The following PIK3C2G variants were observed in gnomAD, a reference collection of about 807,000 sequenced individuals.
PIK3C2G encodes phosphatidylinositol-4-phosphate 3-kinase catalytic subunit type 2 gamma.
Under a neutral mutation model 181.1 loss-of-function variants are expected in PIK3C2G, and 168 were observed. The observed-to-expected ratio is 0.93, with a 90% CI of 0.82 to 1.05. The LOEUF is 1.05. Among genes scored for constraint, PIK3C2G ranks in the 50% least tolerant of loss-of-function variants. The pLI is 0.00. For synonymous variants in PIK3C2G, 573 were observed against 592.2 expected, an observed-to-expected ratio of 0.97 and a Z score of 0.47; for missense variants, 1,869 against 1,732.8, an observed-to-expected ratio of 1.08 and a Z score of -1.40.
At chr12:18,641,549 C>G (rs1306676172) in intron 32 of PIK3C2G, among the ~76,000 whole-genome samples, 1 of 152,034 alleles carries the variant, frequency 6.6e-6, no homozygotes, top group Non-Finnish European at 1.5e-5. Context: ...TTCTCTACCA[C>G]CTCTCTCATT....
intron 14 of PIK3C2G, 65 bp downstream of exon 14, chr12:18,381,945 C>A: frequency 1.1e-6 from 1 of 948,508 alleles, no homozygotes. Flanking sequence ...AGTTTGTTGT[C>A]AATTATAGAA....
chr12:18,584,276 C>CT (rs1283246245), intron 29 of PIK3C2G, among the ~76,000 whole-genome samples: 1 of 152,030 alleles, frequency 6.6e-6, no homozygotes, highest in Non-Finnish European at 1.5e-5. Flanking sequence ...CTGCCTTGGC[C>CT]TTCCAAAGTG....
At chr12:18,670,802 T>C in the PIK3C2G span, among the ~76,000 whole-genome samples, 16 of 152,180 alleles carry the variant, frequency 1.1e-4, no homozygotes, top group Non-Finnish European at 1.8e-4. Flanking sequence ...AATGTTTACA[T>C]TGTCATGAAA....
At chr12:18,583,454 G>A (rs532205342) in intron 29 of PIK3C2G, among the ~76,000 whole-genome samples, 1 of 152,034 alleles carries the variant, frequency 6.6e-6, no homozygotes, top group Non-Finnish European at 1.5e-5. Context: ...TATCGAGACA[G>A]TAACAGCTCT....
chr12:18,422,646 G>C (rs933883410), intron 17 of PIK3C2G, among the ~76,000 whole-genome samples: 1 of 152,026 alleles, frequency 6.6e-6, no homozygotes, highest in Admixed American at 6.6e-5. Flanking sequence ...TGGTCAGGCG[G>C]GATTTAGGGG....
intron 3 of PIK3C2G, among the ~76,000 whole-genome samples, chr12:18,288,416 G>T (rs1565558297): frequency 6.6e-6 from 1 of 151,998 alleles, no homozygotes. Flanking sequence ...AAAAAGCAAG[G>T]TCCCTGCCTC....
intron 16 of PIK3C2G, among the ~76,000 whole-genome samples, chr12:18,407,507 T>G (rs905749606): frequency 1.2e-4 from 18 of 152,132 alleles, no homozygotes; most frequent in African/African-American, 4.3e-4. Context: ...CTACTCACCT[T>G]AGACACTTTG....
the PIK3C2G span, among the ~76,000 whole-genome samples, chr12:18,670,236 G>C: frequency 6.6e-6 from 1 of 151,960 alleles, no homozygotes; most frequent in Non-Finnish European, 1.5e-5. Context: ...TTTTTCAGAA[G>C]AGTTGTTTTA....
chr12:18,388,109 C>T lies in PIK3C2G; in HGVS notation c.1996-3013C>T, dbSNP rs577897191. Among the ~76,000 whole-genome samples the T allele has an allele frequency of 5.3e-5, 8 of 151,944 alleles. No homozygotes were observed. In the South Asian group the frequency reaches 1.0e-3, roughly 20 times the overall value. On this transcript the variant is annotated intron_variant, in intron 14 of 32. Coordinates refer to ENST00000538779, the MANE Select transcript of PIK3C2G (RefSeq NM_001288772.2). Reference sequence around the variant, plus strand: ...CATTGTATTTTTATTTCTAATGTAACGGAGATCCTTTTTTTTTTCTCACTC... The same window carrying T: ...CATTGTATTTTTATTTCTAATGTAATGGAGATCCTTTTTTTTTTCTCACTC...
intron 31 of PIK3C2G, among the ~76,000 whole-genome samples, chr12:18,627,334 G>C (rs1382571216): frequency 6.6e-6 from 1 of 151,868 alleles, no homozygotes; most frequent in Non-Finnish European, 1.5e-5. Flanking sequence ...TTATTTTACG[G>C]AGTTATTCTG....
intron 8 of PIK3C2G, among the ~76,000 whole-genome samples, chr12:18,333,108 A>G (rs1267988753): frequency 6.6e-6 from 1 of 152,140 alleles, no homozygotes. Context: ...GTGCTCTGCC[A>G]AAGTTTGAAC....
intron 5 of PIK3C2G, among the ~76,000 whole-genome samples, chr12:18,306,042 T>C (rs1263694425): frequency 2.0e-5 from 3 of 151,966 alleles, no homozygotes; most frequent in Non-Finnish European, 2.9e-5. Flanking sequence ...ACTTGAGAGT[T>C]GTTATAAAAC....
At chr12:18,325,119 A>ATC in intron 8 of PIK3C2G, 21 bp downstream of exon 8, 1 of 1,410,574 alleles carries the variant, frequency 7.1e-7, no homozygotes, top group Middle Eastern at 1.8e-4. Context: ...TTGTTACTTT[A>ATC]TCCATCAATT....
chr12:18,359,405 C>G (rs948477458), intron 11 of PIK3C2G, among the ~76,000 whole-genome samples: 1 of 152,190 alleles, frequency 6.6e-6, no homozygotes, highest in African/African-American at 2.4e-5. Context: ...AATATGTATT[C>G]TGCTCCTGCT....
At chr12:18,719,846 ATTAT>A in the PIK3C2G span, among the ~76,000 whole-genome samples, 1 of 152,064 alleles carries the variant, frequency 6.6e-6, no homozygotes, top group African/African-American at 2.4e-5. Context: ...TAAATAATAT[ATTAT>A]TTAATTATCT....
intron 18 of PIK3C2G, among the ~76,000 whole-genome samples, chr12:18,433,677 T>G (rs895370851): frequency 1.3e-5 from 2 of 152,220 alleles, no homozygotes; most frequent in Admixed American, 1.3e-4. Context: ...ACCAAGACTT[T>G]CTCAGTTTTC....
At chr12:18,683,638 G>C in the PIK3C2G span, 1 of 1,372,080 alleles carries the variant, frequency 7.3e-7, no homozygotes, top group Non-Finnish European at 9.6e-7. Flanking sequence ...GATGCTGTTA[G>C]AAAAGTAAGC....
intron 7 of PIK3C2G, among the ~76,000 whole-genome samples, chr12:18,324,670 A>T (rs958331421): frequency 6.6e-6 from 1 of 152,178 alleles, no homozygotes; most frequent in African/African-American, 2.4e-5. Flanking sequence ...TCTCTACAAG[A>T]TATGCCATAC....
chr12:18,554,129 C>A (rs1944878130), intron 26 of PIK3C2G, among the ~76,000 whole-genome samples: 4 of 152,042 alleles, frequency 2.6e-5, no homozygotes, highest in African/African-American at 9.7e-5. Context: ...CAATTACTTT[C>A]TTGAGATCAT....
Sources: allele counts gnomAD v4.1 joint callset (sites outside exome capture counted in the v4.1 genomes callset), GRCh38; gene constraint gnomAD v4.1.1; transcripts MANE v1.5; gene names NCBI Gene and HGNC (gene_info 2026-07-23, HGNC 2026-07-21).